Variants in MESD observed in about 807,000 individuals in gnomAD.
MESD encodes mesoderm development LRP chaperone, also known as LRP chaperone MESD.
MESD carries 7 observed loss-of-function variants against 12.9 expected under a neutral mutation model. The observed-to-expected ratio is 0.54, with a 90% CI of 0.31 to 1.02. MESD has a LOEUF of 1.02. Among genes scored for constraint, MESD ranks in the 50% least tolerant of loss-of-function variants. The pLI, the probability that MESD is intolerant of heterozygous loss-of-function variation, is 0.05. For missense variants in MESD, 342 were observed against 296.7 expected, an observed-to-expected ratio of 1.15 and a Z score of -1.12; for synonymous variants, 126 against 115.6, an observed-to-expected ratio of 1.09 and a Z score of -0.58.
intron 1 of MESD, among the ~76,000 whole-genome samples, chr15:80,987,347 G>C (rs1223439549): frequency 6.6e-6 from 1 of 152,204 alleles, no homozygotes; most frequent in Non-Finnish European, 1.5e-5. Context: ...CTGGGGAAGA[G>C]TCCTCATGTC....
At chr15:80,954,454 G>A (rs547971051) in intron 3 of MESD, among the ~76,000 whole-genome samples, 24 of 152,340 alleles carry the variant, frequency 1.6e-4, no homozygotes, top group African/African-American at 5.5e-4. Context: ...CTAGGTAGGC[G>A]GCAGAGGTTT....
In MESD at chr15:80,976,793, G is replaced by C. The variant is rs529154269; in HGVS notation, c.*2426C>G. 2 of 152,306 alleles carry C rather than the reference G, an allele frequency of 1.3e-5. No homozygotes were observed. Among genetic ancestry groups the C allele is most frequent in the East Asian group, 3.9e-4 (2 of 5,180 alleles). The allele number at this position is 152,306 out of a possible 1,614,324, so 9.4% of individuals were successfully genotyped here. A position where few individuals can be genotyped will look rare whatever the true frequency, so the allele number is the denominator to read the frequency against. On this transcript the variant is annotated 3_prime_UTR_variant, in exon 3 of 3. Transcript: ENST00000261758. The stretch of plus-strand genomic sequence containing the variant: ...GTCCACTGCAGCACTGAATATACCA[G>C]CAAAAAATCTGAACACTCAAGTGTC...
downstream of MESD, among the ~76,000 whole-genome samples, chr15:80,974,386 A>T (rs186124784): frequency 6.6e-6 from 1 of 152,312 alleles, no homozygotes; most frequent in East Asian, 1.9e-4. Context: ...CATCTACCCA[A>T]ACATTTTGGA....
intron 3 of MESD, among the ~76,000 whole-genome samples, chr15:80,959,260 T>C (rs73507428): frequency 0.034 from 5,235 of 152,288 alleles, 310 homozygotes; most frequent in African/African-American, 0.12. Flanking sequence ...CGCCCAGAGA[T>C]GACCGAAGGT....
intron 2 of MESD, among the ~76,000 whole-genome samples, chr15:80,980,160 A>G (rs1306332301): frequency 6.6e-6 from 1 of 152,220 alleles, no homozygotes; most frequent in Non-Finnish European, 1.5e-5. Context: ...ACCACTCCAC[A>G]GAGACCAGTG....
intron 1 of MESD, among the ~76,000 whole-genome samples, chr15:80,985,051 A>C (rs766599564): frequency 3.3e-5 from 5 of 152,146 alleles, no homozygotes; most frequent in Admixed American, 6.5e-5. Flanking sequence ...GAACGAAGTG[A>C]TCTCCAAGGC....
In MESD at chr15:80,978,735, C is replaced by T. The variant is rs548260555; in HGVS notation, c.*484G>A. ...TTTACACACCCTGGCTTCCTGGCTA[C>T]AGACATCTGAGTTCACAAAGCATAT... On this transcript the variant is annotated 3_prime_UTR_variant, in exon 3 of 3. Transcript: ENST00000261758. The T allele has an allele frequency of 6.5e-6, 1 of 153,546 alleles. No individual in the cohort carries two copies. The highest frequency in any genetic ancestry group is 2.1e-4 in the South Asian group (1 of 4,848). The allele number at this position is 153,546 out of a possible 1,614,324, so 9.5% of individuals were successfully genotyped here. A position where few individuals can be genotyped will look rare whatever the true frequency, so the allele number is the denominator to read the frequency against.
In MESD at chr15:80,965,164, T is replaced by C. The variant is rs148630857; in HGVS notation, c.*289-12868A>G. Among the ~76,000 whole-genome samples, 1,238 of 152,312 alleles carry C rather than the reference T, an allele frequency of 8.1e-3. 14 individuals are homozygous for C. Among genetic ancestry groups the C allele is most frequent in the African/African-American group, 0.028 (1,179 of 41,556 alleles). Reference sequence around the variant, plus strand: ...GGCAGAGGATATGAACAGACACTTCTCAAAAGAAGACATTTATGCAGCCAA... The same window carrying C: ...GGCAGAGGATATGAACAGACACTTCCCAAAAGAAGACATTTATGCAGCCAA... On this transcript the variant is annotated intron_variant, in intron 3 of 4. Coordinates refer to the MESD transcript ENST00000561312.
At chr15:80,971,949 CAAA>C (rs989147460), downstream of MESD, among the ~76,000 whole-genome samples, 18 of 88,496 alleles carry the variant, frequency 2.0e-4, no homozygotes, top group Middle Eastern at 6.9e-3. Flanking sequence ...GATTCTGTCT[CAAA>C]AAAAAAAAAA....
At chr15:80,955,487 C>CAAAAA (rs1169755665) in intron 3 of MESD, among the ~76,000 whole-genome samples, 579 of 45,598 alleles carry the variant, frequency 0.013, 14 homozygotes, top group African/African-American at 0.048. Context: ...GACTCCGTCT[C>CAAAAA]AAAAAAAAAA....
chr15:80,973,021 CAAAA>C (rs960720247), downstream of MESD, among the ~76,000 whole-genome samples: 4 of 151,272 alleles, frequency 2.6e-5, no homozygotes, highest in African/African-American at 9.7e-5. Context: ...GACTCTGTCT[CAAAA>C]AACAAACAAA....
intron 3 of MESD, among the ~76,000 whole-genome samples, chr15:80,969,320 T>C (rs151190681): frequency 6.6e-6 from 1 of 152,306 alleles, no homozygotes; most frequent in African/African-American, 2.4e-5. Flanking sequence ...ACATTGTGTG[T>C]CTTTTAATAT....
intron 3 of MESD, among the ~76,000 whole-genome samples, chr15:80,953,373 T>C (rs1246678795): frequency 6.6e-6 from 1 of 152,168 alleles, no homozygotes; most frequent in Non-Finnish European, 1.5e-5. Flanking sequence ...AATGGGACAC[T>C]GCACCCAGCT....
intron 3 of MESD, among the ~76,000 whole-genome samples, chr15:80,969,737 C>G (rs560491076): frequency 6.6e-6 from 1 of 152,280 alleles, no homozygotes; most frequent in East Asian, 1.9e-4. Flanking sequence ...TGCCTGTAAT[C>G]CCAGCTACTC....
chr15:80,958,606 T>A (rs2141787683), intron 3 of MESD, among the ~76,000 whole-genome samples: 1 of 152,286 alleles, frequency 6.6e-6, no homozygotes, highest in East Asian at 1.9e-4. Context: ...GTGCTGGGAT[T>A]ACAGGCATGA....
chr15:80,987,753 T>G, intron 1 of MESD, among the ~76,000 whole-genome samples: 1 of 152,256 alleles, frequency 6.6e-6, no homozygotes, highest in Admixed American at 6.5e-5. Context: ...CCTCCCAAAG[T>G]GTTGGGATTA....
At chr15:80,960,089 C>T (rs899418764) in intron 3 of MESD, among the ~76,000 whole-genome samples, 1 of 152,162 alleles carries the variant, frequency 6.6e-6, no homozygotes, top group East Asian at 1.9e-4. Context: ...TGAGTCCAGG[C>T]GTGGTGGCTC....
At chr15:80,986,571 C>T (rs1902738868) in intron 1 of MESD, among the ~76,000 whole-genome samples, 2 of 152,078 alleles carry the variant, frequency 1.3e-5, no homozygotes, top group South Asian at 4.1e-4. Flanking sequence ...AAAAATAGTA[C>T]CCTAGATGTA....
At position 80,982,156 on chromosome 15, in the gene MESD, A is replaced by T. The variant is rs1596237048; in HGVS notation, c.240T>A (p.Asp80Glu). The T allele has an allele frequency of 6.2e-7, 1 of 1,614,048 alleles. No homozygotes were observed. Among genetic ancestry groups the T allele is most frequent in the South Asian group, 1.1e-5 (1 of 91,082 alleles). ...CTGAAGGTCTCTTGTGCTCTGGAAG[A>T]TCTCCTTCTTCAATGTCATCATCTT... ...WEKDDDIEEGDLPEHKRPSAP... is the reference protein window; with the variant it reads ...WEKDDDIEEGELPEHKRPSAP... Residue 80 changes from aspartate to glutamate, a missense_variant, in exon 2 of 3, where the codon GAT becomes GAA. By Grantham distance (45) the Asp-to-Glu change is conservative. Transcript: ENST00000261758.
Sources: gnomAD v4.1 joint callset for allele counts (sites outside exome capture counted in the v4.1 genomes callset) on GRCh38, gnomAD v4.1.1 for gene constraint, MANE v1.5 for transcripts, NCBI Gene and HGNC (gene_info 2026-07-23, HGNC 2026-07-21) for gene names.